ROBO2: variants seen among roughly 807,000 people sequenced by gnomAD.
The protein encoded by ROBO2 is roundabout guidance receptor 2.
Under a neutral mutation model 160.8 loss-of-function variants are expected in ROBO2, and 53 were observed. The ratio of observed to expected loss-of-function variants is 0.33; its 90% CI spans 0.26 to 0.41. The LOEUF (loss-of-function observed/expected upper bound fraction) is 0.41. Ranked by LOEUF, ROBO2 falls within the 10% of genes least tolerant of loss-of-function variation. The probability of loss-of-function intolerance (pLI) is 1.00; values close to 1 mark genes in which losing one functional copy is unlikely to be tolerated. For missense variants in ROBO2, 1,577 were observed against 1,722.4 expected, an observed-to-expected ratio of 0.92 and a Z score of 1.49; for synonymous variants, 664 against 611.7, an observed-to-expected ratio of 1.09 and a Z score of -1.26.
chr3:77,037,322 G>A (rs1027518838), upstream of ROBO2, among the ~76,000 whole-genome samples: 1 of 152,094 alleles, frequency 6.6e-6, no homozygotes, highest in African/African-American at 2.4e-5. Context: ...ATGTTTTGGT[G>A]AAGACATTAT....
intron 2 of ROBO2, among the ~76,000 whole-genome samples, chr3:76,725,735 T>C (rs2093541349): frequency 6.6e-6 from 1 of 152,064 alleles, no homozygotes; most frequent in Admixed American, 6.6e-5. Context: ...CTCTGTTAGG[T>C]GGGGGAATGC....
At chr3:77,160,340 T>C (rs954859956) in intron 2 of ROBO2, among the ~76,000 whole-genome samples, 14 of 145,734 alleles carry the variant, frequency 9.6e-5, no homozygotes, top group Admixed American at 2.8e-4. Context: ...AGAATGATAA[T>C]TATTTTATAA....
At chr3:75,930,399 A>G (rs1371494877) in intron 1 of ROBO2, among the ~76,000 whole-genome samples, 1 of 152,070 alleles carries the variant, frequency 6.6e-6, no homozygotes, top group Admixed American at 6.5e-5. Context: ...GTCGTAGTTC[A>G]TTTTTAGCAT....
chr3:77,055,275 T>G (rs1430019948), intron 1 of ROBO2, among the ~76,000 whole-genome samples: 1 of 152,146 alleles, frequency 6.6e-6, no homozygotes, highest in Non-Finnish European at 1.5e-5. Flanking sequence ...GGGATGGTCT[T>G]GATATTAGGG....
intron 2 of ROBO2, among the ~76,000 whole-genome samples, chr3:76,894,580 A>T (rs1263904388): frequency 5.9e-5 from 9 of 152,164 alleles, no homozygotes; most frequent in Non-Finnish European, 7.4e-5. Context: ...ATTGCCATAT[A>T]AAAAGATATC....
In ROBO2 at chr3:77,261,253, C is replaced by CCTT. The variant is rs1367433377; in HGVS notation, c.388+162913_388+162914insCTT. Among the ~76,000 whole-genome samples the CCTT allele has an allele frequency of 8.5e-4, 129 of 152,114 alleles. 2 individuals are homozygous for CCTT. The highest frequency in any genetic ancestry group is 6.8e-3 in the Middle Eastern group (2 of 294). ...CTGGACCAAAATGGCAAATGTGTGC[C>CCTT]TGGGGAAGCCACAGGAGGCTCCCAG... On this transcript the variant is annotated intron_variant, in intron 2 of 25. Coordinates refer to ENST00000461745, the Ensembl canonical transcript of ROBO2.
chr3:76,254,354 A>T (rs1301602420), intron 2 of ROBO2, among the ~76,000 whole-genome samples: 1 of 152,130 alleles, frequency 6.6e-6, no homozygotes, highest in Non-Finnish European at 1.5e-5. Flanking sequence ...AGTAGGCAGC[A>T]AAAGCTATTT....
chr3:76,514,032 G>A (rs1343247450), intron 2 of ROBO2, among the ~76,000 whole-genome samples: 1 of 152,046 alleles, frequency 6.6e-6, no homozygotes, highest in Non-Finnish European at 1.5e-5. Flanking sequence ...ACTTTAATTA[G>A]TGTCTTCATT....
intron 2 of ROBO2, among the ~76,000 whole-genome samples, chr3:76,457,938 G>A (rs896582300): frequency 6.6e-6 from 1 of 152,060 alleles, no homozygotes; most frequent in Non-Finnish European, 1.5e-5. Flanking sequence ...CACACAGCAC[G>A]GGAACCCTGG....
At chr3:76,926,988 G>T (rs1240984402) in intron 2 of ROBO2, among the ~76,000 whole-genome samples, 1 of 151,770 alleles carries the variant, frequency 6.6e-6, no homozygotes, top group African/African-American at 2.4e-5. Flanking sequence ...ATTTCCTGTT[G>T]CCCAGCCTCA....
chr3:76,317,902 G>C (rs1473468691), intron 2 of ROBO2, among the ~76,000 whole-genome samples: 2 of 151,804 alleles, frequency 1.3e-5, no homozygotes, highest in African/African-American at 4.8e-5. Flanking sequence ...GAGAATAATA[G>C]ATTTGTCTTA....
intron 2 of ROBO2, among the ~76,000 whole-genome samples, chr3:76,602,401 A>G (rs6765178): frequency 0.97 from 147,827 of 152,264 alleles, 71,919 homozygotes; most frequent in East Asian, 1. Context: ...GTTCGTTTTC[A>G]TGCTGCTGAT....
chr3:76,025,702 G>A (rs17013681), intron 2 of ROBO2, among the ~76,000 whole-genome samples: 28,198 of 151,580 alleles, frequency 0.19, 2,765 homozygotes, highest in East Asian at 0.36. Context: ...CACATTAAGC[G>A]TGTCAGCATA....
intron 2 of ROBO2, among the ~76,000 whole-genome samples, chr3:77,286,509 G>A (rs945379026): frequency 4.6e-5 from 7 of 152,076 alleles, no homozygotes; most frequent in Non-Finnish European, 1.0e-4. Context: ...GACCGCCTTG[G>A]CCTCCCAAAC....
At chr3:76,753,356 A>T (rs907596473) in intron 2 of ROBO2, among the ~76,000 whole-genome samples, 3 of 151,898 alleles carry the variant, frequency 2.0e-5, no homozygotes, top group African/African-American at 7.2e-5. Context: ...TTTTAAACAT[A>T]TATAATGTTT....
chr3:77,197,908 C>A (rs1428901392), intron 2 of ROBO2, among the ~76,000 whole-genome samples: 2 of 152,090 alleles, frequency 1.3e-5, no homozygotes, highest in Non-Finnish European at 2.9e-5. Context: ...CAGAGAGATA[C>A]AACATTGCTC....
chr3:77,170,288 C>G (rs554298158), intron 2 of ROBO2, among the ~76,000 whole-genome samples: 1 of 152,096 alleles, frequency 6.6e-6, no homozygotes, highest in South Asian at 2.1e-4. Context: ...ATTGGGTATA[C>G]AACTAAGAAT....
At chr3:77,385,373 A>C (rs1365172198) in intron 2 of ROBO2, among the ~76,000 whole-genome samples, 1 of 152,200 alleles carries the variant, frequency 6.6e-6, no homozygotes, top group Non-Finnish European at 1.5e-5. Context: ...TTATTAGAGA[A>C]TAATGTGAGT....
intron 2 of ROBO2, among the ~76,000 whole-genome samples, chr3:76,280,744 T>G (rs1177289912): frequency 6.6e-6 from 1 of 152,054 alleles, no homozygotes; most frequent in African/African-American, 2.4e-5. Context: ...TTCACATCTT[T>G]CACCTGAAAC....
Sources: allele counts gnomAD v4.1 joint callset (sites outside exome capture counted in the v4.1 genomes callset), GRCh38; gene constraint gnomAD v4.1.1; transcripts MANE v1.5; gene names NCBI Gene and HGNC (gene_info 2026-07-23, HGNC 2026-07-21).